The following TESPA1 variants were observed in gnomAD, a reference collection of about 807,000 sequenced individuals.
TESPA1 encodes the protein thymocyte expressed, positive selection associated 1.
TESPA1 carries 33 observed loss-of-function variants against 57.9 expected under a neutral mutation model. The ratio of observed to expected loss-of-function variants is 0.57; its 90% CI spans 0.43 to 0.76. The LOEUF is 0.76. Ranked by LOEUF, TESPA1 falls within the 30% of genes least tolerant of loss-of-function variation. The pLI, the probability that TESPA1 is intolerant of heterozygous loss-of-function variation, is 0.00. For missense variants in TESPA1, 618 were observed against 632.9 expected (o/e 0.98, Z 0.25); for synonymous variants, 227 against 228.9 (o/e 0.99, Z 0.07).
chr12:54,974,136 C>A (rs534742136), intron 2 of TESPA1, among the ~76,000 whole-genome samples: 12 of 152,338 alleles, frequency 7.9e-5, no homozygotes, highest in African/African-American at 2.9e-4. Flanking sequence ...AGAGAGCCCC[C>A]AGCCTCAGGT....
Position 54,966,064 on chromosome 12 carries a change from C to A in TESPA1, c.435G>T (p.Lys145Asn). The A allele has an allele frequency of 6.4e-7, 1 of 1,572,952 alleles. No homozygotes were observed. Among genetic ancestry groups the A allele is most frequent in the Non-Finnish European group, 8.6e-7 (1 of 1,157,932 alleles). ...ASSSMTGGTN[K>N]TSSSISEILD... The stretch of plus-strand genomic sequence containing the variant: ...ACTTCAGTACCTACCTTGAACTAGT[C>A]TTGTTGGTCCCCCCAGTCATGCTGC... Residue 145 changes from lysine (K) to asparagine (N), a missense_variant, in exon 7 of 11, where the codon AAG becomes AAT. By Grantham distance (94) the Lys-to-Asn change is moderately conservative (BLOSUM62 0). Coordinates refer to ENST00000449076, the MANE Select transcript of TESPA1 (RefSeq NM_001136030.3).
chr12:54,960,311 A>G, intron 10 of TESPA1, among the ~76,000 whole-genome samples: 1 of 152,244 alleles, frequency 6.6e-6, no homozygotes, highest in Non-Finnish European at 1.5e-5. Context: ...GGTATAAGAG[A>G]TATCTCTGAA....
chr12:54,950,563 T>C (rs934453645), intron 10 of TESPA1, among the ~76,000 whole-genome samples, 173 bp from the exon 11 acceptor site: 1 of 152,200 alleles, frequency 6.6e-6, no homozygotes, highest in Non-Finnish European at 1.5e-5. Context: ...GTTTCTGCTC[T>C]TTTCATCATG....
chr12:54,951,178 T>G (rs1950363566), intron 10 of TESPA1, among the ~76,000 whole-genome samples: 1 of 152,198 alleles, frequency 6.6e-6, no homozygotes, highest in South Asian at 2.1e-4. Flanking sequence ...CAGAAGCAGA[T>G]TTCCCCCTTG....
In TESPA1 at chr12:54,950,291, G is replaced by T; in HGVS notation, c.*101C>A. 1 of 456,958 alleles carries T rather than the reference G, an allele frequency of 2.2e-6. No homozygotes were observed. Among genetic ancestry groups the T allele is most frequent in the South Asian group, 1.5e-5 (1 of 64,554 alleles). The allele number at this position is 456,958 out of a possible 1,614,324, so 28.3% of individuals were successfully genotyped here. On this transcript the variant is annotated 3_prime_UTR_variant, in exon 11 of 11. Coordinates refer to ENST00000449076, the MANE Select transcript of TESPA1 (RefSeq NM_001136030.3). ...TTGGAGGACCAAGGAGTAGGGGCTG[G>T]ATGTTGAGGGCAGTGCAGTTTCCTG...
intron 10 of TESPA1, among the ~76,000 whole-genome samples, chr12:54,952,170 T>G (rs1337154561): frequency 6.6e-6 from 1 of 152,208 alleles, no homozygotes; most frequent in African/African-American, 2.4e-5. Flanking sequence ...GGCATGCTCT[T>G]GCTTTTTTAC....
At chr12:54,981,457 A>T (rs1338955480) in intron 1 of TESPA1, among the ~76,000 whole-genome samples, 3 of 151,146 alleles carry the variant, frequency 2.0e-5, no homozygotes, top group Non-Finnish European at 4.4e-5. Context: ...GCATTAGGAG[A>T]TGTACCTAAT....
chr12:54,953,675 C>T (rs1400503926), intron 10 of TESPA1, among the ~76,000 whole-genome samples: 13 of 152,024 alleles, frequency 8.6e-5, no homozygotes, highest in African/African-American at 2.7e-4. Context: ...CCCGCCACTA[C>T]GCCTGGCTAA....
intron 8 of TESPA1, 66 bp downstream of exon 8, chr12:54,963,676 C>T: frequency 6.6e-7 from 1 of 1,525,250 alleles, no homozygotes; most frequent in Non-Finnish European, 8.9e-7. Context: ...TTTGAAGCCA[C>T]TGAGCCCTGC....
At chr12:54,980,602 C>T (rs551960919) in intron 1 of TESPA1, among the ~76,000 whole-genome samples, 1 of 152,154 alleles carries the variant, frequency 6.6e-6, no homozygotes, top group Non-Finnish European at 1.5e-5. Context: ...GAGGAAAGAG[C>T]TGGGATAGCT....
chr12:54,971,473 T>A (rs2136171965), intron 3 of TESPA1, among the ~76,000 whole-genome samples: 1 of 152,340 alleles, frequency 6.6e-6, no homozygotes, highest in Middle Eastern at 3.4e-3. Flanking sequence ...TATTACACAC[T>A]TAAACAGAAT....
At chr12:54,956,203 G>A (rs781013484) in intron 10 of TESPA1, among the ~76,000 whole-genome samples, 2 of 152,094 alleles carry the variant, frequency 1.3e-5, no homozygotes, top group Non-Finnish European at 2.9e-5. Flanking sequence ...CCACCATTTG[G>A]GGGTATCTCA....
rs1364893152 is a variant in TESPA1, at chr12:54,949,286, A to G, written c.*1106T>C. 4 of 152,106 alleles carry G rather than the reference A, an allele frequency of 2.6e-5. No homozygotes were observed. The East Asian group carries it at 7.7e-4, about 29-fold the overall frequency. 9.4% of individuals were successfully genotyped at this position (152,106 alleles called of 1,614,324 possible). On this transcript the variant is annotated 3_prime_UTR_variant, in exon 11 of 11. Coordinates refer to ENST00000449076, the MANE Select transcript of TESPA1 (RefSeq NM_001136030.3). Reference sequence around the variant, plus strand: ...TAATGCTGGCAATAGCACCAGAACAAAATCAACTTCTGCTTATCATGTCTG... The same window carrying G: ...TAATGCTGGCAATAGCACCAGAACAGAATCAACTTCTGCTTATCATGTCTG...
chr12:54,973,353 C>T, intron 3 of TESPA1, 124 bp downstream of exon 3: 1 of 1,408,832 alleles, frequency 7.1e-7, no homozygotes, highest in Non-Finnish European at 1.0e-6. Context: ...ACCATCTCAA[C>T]CTTACTTCTA....
Position 54,974,571 on chromosome 12 carries a change from C to A in TESPA1, c.-9G>T. On this transcript the variant is annotated 5_prime_UTR_variant, in exon 2 of 11. Transcript: ENST00000449076. The stretch of plus-strand genomic sequence containing the variant: ...AGCACAGAGGCCTCCATGGCCCTGG[C>A]TCAGACTTCAGGGCCTCCCGTAACA... 6.4e-7 allele frequency: 1 copy of A among 1,561,390 alleles called. No homozygotes were observed. The highest frequency in any genetic ancestry group is 8.7e-7 in the Non-Finnish European group (1 of 1,152,198).
chr12:54,962,366 C>T, intron 9 of TESPA1, 65 bp downstream of exon 9: 3 of 1,545,198 alleles, frequency 1.9e-6, no homozygotes, highest in Non-Finnish European at 2.6e-6. Context: ...TCTAACCCTT[C>T]ATCTTCTGGG....
At chr12:54,965,954 G>C in intron 7 of TESPA1, 99 bp downstream of exon 7, 3 of 1,155,450 alleles carry the variant, frequency 2.6e-6, no homozygotes, top group Non-Finnish European at 3.8e-6. Flanking sequence ...AAAAGCTCCA[G>C]TAAGATATCC....
chr12:54,964,604 T>C (rs1173905377), intron 7 of TESPA1, among the ~76,000 whole-genome samples: 2 of 152,226 alleles, frequency 1.3e-5, no homozygotes, highest in Non-Finnish European at 1.5e-5. Flanking sequence ...AGCTTAGTAA[T>C]TGTGTTTCAG....
intron 1 of TESPA1, among the ~76,000 whole-genome samples, chr12:54,981,158 A>G (rs1267282222): frequency 6.6e-6 from 1 of 152,140 alleles, no homozygotes; most frequent in Non-Finnish European, 1.5e-5. Flanking sequence ...ATCAGGTAAC[A>G]CATATTAAGT....
Sources: allele counts gnomAD v4.1 joint callset (sites outside exome capture counted in the v4.1 genomes callset), GRCh38; gene constraint gnomAD v4.1.1; transcripts MANE v1.5; gene names NCBI Gene and HGNC (gene_info 2026-07-23, HGNC 2026-07-21).